Variants in DPYD observed in about 807,000 individuals in gnomAD.
The protein encoded by DPYD is dihydropyrimidine dehydrogenase.
A neutral mutation model predicts 116.2 loss-of-function variants in DPYD; 109 were observed. The ratio of observed to expected loss-of-function variants is 0.94; its 90% CI spans 0.80 to 1.10. DPYD has a LOEUF of 1.10. DPYD is among the 50% of genes least tolerant of loss of function. The probability of loss-of-function intolerance (pLI) is 0.00; values close to 1 mark genes in which losing one functional copy is unlikely to be tolerated. For synonymous variants in DPYD, 440 were observed against 432.0 expected, an observed-to-expected ratio of 1.02 and a Z score of -0.23; for missense variants, 1,302 against 1,254.5, an observed-to-expected ratio of 1.04 and a Z score of -0.57.
chr1:97,556,601 T>C (rs1431178131), intron 11 of DPYD, among the ~76,000 whole-genome samples: 41 of 148,724 alleles, frequency 2.8e-4, no homozygotes, highest in East Asian at 1.0e-3. Flanking sequence ...TGAGAATATG[T>C]GGTGTTTGGT....
chr1:97,270,543 G>C (rs34992328), intron 18 of DPYD, among the ~76,000 whole-genome samples: 1,726 of 152,256 alleles, frequency 0.011, 16 homozygotes, highest in South Asian at 0.02. Flanking sequence ...CATGGGGCTG[G>C]TAAGCTCTGC....
intron 2 of DPYD, among the ~76,000 whole-genome samples, chr1:97,879,197 C>A (rs1672059076): frequency 6.6e-6 from 1 of 151,884 alleles, no homozygotes; most frequent in Non-Finnish European, 1.5e-5. Context: ...TGACAGGGTG[C>A]TTCTGAAGCT....
At chr1:97,110,022 T>C (rs1651477422) in intron 20 of DPYD, among the ~76,000 whole-genome samples, 1 of 152,056 alleles carries the variant, frequency 6.6e-6, no homozygotes, top group South Asian at 2.1e-4. Flanking sequence ...ATCTCAAATC[T>C]AGGTCTCCCA....
intron 8 of DPYD, among the ~76,000 whole-genome samples, chr1:97,667,419 C>T (rs74886436): frequency 0.013 from 1,990 of 152,100 alleles, 21 homozygotes; most frequent in Middle Eastern, 0.024. Flanking sequence ...TGTTTATATA[C>T]TTAAAAATTT....
At chr1:97,710,154 A>G (rs1662203439) in intron 5 of DPYD, among the ~76,000 whole-genome samples, 1 of 151,832 alleles carries the variant, frequency 6.6e-6, no homozygotes, top group Non-Finnish European at 1.5e-5. Flanking sequence ...ATAATACATC[A>G]GTTTTTCTTT....
intron 21 of DPYD, among the ~76,000 whole-genome samples, chr1:97,091,450 G>A (rs932412480): frequency 7.2e-5 from 11 of 152,140 alleles, no homozygotes; most frequent in East Asian, 5.8e-4. Context: ...ATTACATGGC[G>A]TGCCTGGGTG....
chr1:97,721,362 A>G (rs1164392944), intron 5 of DPYD, 148 bp downstream of exon 5: 4 of 976,568 alleles, frequency 4.1e-6, no homozygotes, highest in Non-Finnish European at 6.1e-6. Context: ...TGCTGAATAA[A>G]AATAAAGTTT....
intron 13 of DPYD, among the ~76,000 whole-genome samples, chr1:97,459,353 G>C (rs566853821): frequency 6.6e-6 from 1 of 152,202 alleles, no homozygotes; most frequent in South Asian, 2.1e-4. Context: ...CAAATGGAGA[G>C]AACTAGGAGA....
At chr1:97,802,391 TGTATA>T (rs1667887230) in intron 3 of DPYD, among the ~76,000 whole-genome samples, 1 of 151,940 alleles carries the variant, frequency 6.6e-6, no homozygotes, top group Admixed American at 6.6e-5. Flanking sequence ...ATTTGCAGAC[TGTATA>T]ATGCTCCATA....
chr1:97,217,025 T>C (rs768267987), intron 19 of DPYD, among the ~76,000 whole-genome samples: 36 of 152,102 alleles, frequency 2.4e-4, no homozygotes, highest in African/African-American at 7.2e-4. Flanking sequence ...CTGACCAAGA[T>C]GGTGAAACTC....
chr1:97,839,681 T>C (rs563127374), intron 2 of DPYD, among the ~76,000 whole-genome samples: 6 of 152,238 alleles, frequency 3.9e-5, no homozygotes, highest in Admixed American at 6.5e-5. Flanking sequence ...TATATCCTTG[T>C]ACATGTGTGA....
intron 4 of DPYD, among the ~76,000 whole-genome samples, chr1:97,739,636 G>A (rs1293467086): frequency 6.6e-6 from 1 of 152,084 alleles, no homozygotes; most frequent in Non-Finnish European, 1.5e-5. Flanking sequence ...TAGAAAATTA[G>A]TGTTAAACCT....
chr1:97,269,897 A>G (rs1664468530), intron 18 of DPYD, among the ~76,000 whole-genome samples: 1 of 152,190 alleles, frequency 6.6e-6, no homozygotes, highest in African/African-American at 2.4e-5. Flanking sequence ...ACAGCGCTCA[A>G]TATCTTTCCA....
chr1:97,773,194 C>T (rs1042909378), intron 3 of DPYD, among the ~76,000 whole-genome samples: 2 of 152,104 alleles, frequency 1.3e-5, no homozygotes, highest in Non-Finnish European at 2.9e-5. Flanking sequence ...TCCTGGGAGG[C>T]TAATGCTATT....
intron 14 of DPYD, among the ~76,000 whole-genome samples, chr1:97,436,569 A>T (rs1034599248): frequency 6.6e-6 from 1 of 151,974 alleles, no homozygotes; most frequent in Non-Finnish European, 1.5e-5. Context: ...TTACAAAATG[A>T]AGGGGTATTT....
At chr1:97,424,684 C>T (rs530653812) in intron 14 of DPYD, among the ~76,000 whole-genome samples, 15 of 152,150 alleles carry the variant, frequency 9.9e-5, no homozygotes, top group African/African-American at 3.6e-4. Flanking sequence ...ATCGATGTTT[C>T]TCCAGAAACC....
At chr1:97,376,887 G>C (rs11582736) in intron 15 of DPYD, among the ~76,000 whole-genome samples, 2 of 128,410 alleles carry the variant, frequency 1.6e-5, no homozygotes, top group Non-Finnish European at 3.3e-5. Context: ...GTGTGTGTGT[G>C]TATATATATA....
chr1:97,690,579 A>G (rs1034386614), intron 7 of DPYD, among the ~76,000 whole-genome samples: 1 of 152,026 alleles, frequency 6.6e-6, no homozygotes, highest in Non-Finnish European at 1.5e-5. Flanking sequence ...TCTTCAATTC[A>G]GAATACCGAA....
chr1:97,790,110 C>T (rs1002477616), intron 3 of DPYD, among the ~76,000 whole-genome samples: 9 of 152,146 alleles, frequency 5.9e-5, no homozygotes, highest in South Asian at 2.1e-4. Flanking sequence ...ACGTTGTAAA[C>T]TTTTCATCTA....
Sources: gnomAD v4.1 joint callset for allele counts (sites outside exome capture counted in the v4.1 genomes callset) on GRCh38, gnomAD v4.1.1 for gene constraint, MANE v1.5 for transcripts, NCBI Gene and HGNC (gene_info 2026-07-23, HGNC 2026-07-21) for gene names.